Variants in FER1L5 observed in about 807,000 individuals in gnomAD.
FER1L5 encodes the protein fer-1-like protein 5.
Under a neutral mutation model 279.9 loss-of-function variants are expected in FER1L5, and 187 were observed. That is an observed-to-expected ratio of 0.67 (90% CI 0.59 to 0.75). FER1L5 has a LOEUF of 0.75. Ranked by LOEUF, FER1L5 falls within the 30% of genes least tolerant of loss-of-function variation. The probability of loss-of-function intolerance (pLI) is 0.00; values close to 1 mark genes in which losing one functional copy is unlikely to be tolerated. For synonymous variants in FER1L5, 921 were observed against 989.7 expected (o/e 0.93, Z 1.30); for missense variants, 2,091 against 2,594.4 (o/e 0.81, Z 4.21).
chr2:96,654,311 T>C, intron 8 of FER1L5, 135 bp from the exon 9 acceptor site: 1 of 393,022 alleles, frequency 2.5e-6, no homozygotes. Flanking sequence ...AACACCCATG[T>C]GCAAGTGTCT....
At position 96,688,205 on chromosome 2, in the gene FER1L5, G is replaced by T. The variant is rs528885186; in HGVS notation, c.2361+258G>T. ...GGTCTCTTGTTGATGCTCCATACAC[G>T]TGTGGAGACAAAGGGGGCGACTAAG... On this transcript the variant is annotated intron_variant, in intron 24 of 52. Transcript: ENST00000624922. Among the ~76,000 whole-genome samples, 6 of 152,292 alleles carry T rather than the reference G, an allele frequency of 3.9e-5. No homozygotes were observed. In the South Asian group the frequency reaches 1.2e-3, roughly 32 times the overall value.
intron 23 of FER1L5, 77 bp downstream of exon 23, chr2:96,686,427 G>A (rs2076928374): frequency 6.9e-7 from 1 of 1,457,826 alleles, no homozygotes; most frequent in Non-Finnish European, 9.2e-7. Context: ...TCGCAGGGCA[G>A]CCCCTATGGG....
Position 96,702,628 on chromosome 2 carries a change from C to T in FER1L5, c.5284C>T (p.Gln1762Ter). 6.3e-7 allele frequency: 1 copy of T among 1,590,352 alleles called. No homozygotes were observed. The highest frequency in any genetic ancestry group is 8.6e-7 in the Non-Finnish European group (1 of 1,168,656). ...GTTATACGGGCTGGAGAAGGACATG[C>T]AGAAGACAGACATCCACTACCACTC... ...GWLYGLEKDM[Q>*]KTDIHYHSLT... Residue 1762 changes from glutamine to a stop codon, truncating the protein, a stop_gained, in exon 48 of 53, where the codon CAG becomes TAG. Coordinates refer to ENST00000624922, the MANE Select transcript of FER1L5 (RefSeq NM_001293083.2). LOFTEE classifies it high-confidence loss of function. This position sits in a 1 kb window ranked among gnomAD's most constrained non-coding sequence, Gnocchi z 4.0.
rs2077296029 is a variant in FER1L5, at chr2:96,694,711, G to A, written c.3741+247G>A. The A allele has an allele frequency of 2.6e-6, 1 of 379,986 alleles. No individual in the cohort carries two copies. The highest frequency in any genetic ancestry group is 4.7e-6 in the Non-Finnish European group (1 of 213,952). 23.5% of individuals were successfully genotyped at this position (379,986 alleles called of 1,614,324 possible). A position where few individuals can be genotyped will look rare whatever the true frequency, so the allele number is the denominator to read the frequency against. ...GCTGTAGCATGCATGATCACTTGTG[G>A]GACTCACGCTGCCCCTGCGCAGTAG... On this transcript the variant is annotated intron_variant, in intron 34 of 52. Coordinates refer to ENST00000624922, the MANE Select transcript of FER1L5 (RefSeq NM_001293083.2). This position sits in a 1 kb window ranked among gnomAD's most constrained non-coding sequence, Gnocchi z 4.6.
Position 96,704,451 on chromosome 2 carries a change from T to C in FER1L5, c.5950-17T>C, listed in dbSNP as rs776354984. ...TCAGCTTGCCACCCCAGGCTAACTGTTGTCTGTTCTCTCTAGCACTATTTG... is the reference window on the plus strand; with the variant it reads ...TCAGCTTGCCACCCCAGGCTAACTGCTGTCTGTTCTCTCTAGCACTATTTG... On this transcript the variant is annotated splice_polypyrimidine_tract_variant and intron_variant, in intron 52 of 52. Transcript: ENST00000624922. The C allele has an allele frequency of 8.1e-6, 13 of 1,613,608 alleles. No individual in the cohort carries two copies. The highest frequency in any genetic ancestry group is 1.1e-5 in the Non-Finnish European group (13 of 1,179,540).
intron 13 of FER1L5, among the ~76,000 whole-genome samples, 189 bp from the exon 14 acceptor site, chr2:96,663,250 G>A (rs552153965): frequency 2.7e-4 from 41 of 152,306 alleles, no homozygotes; most frequent in African/African-American, 8.4e-4. Context: ...CAAACACCTC[G>A]GGTAAGTACA....
At chr2:96,671,119 A>AAAAAAAAAAAC (rs1558874606) in intron 18 of FER1L5, among the ~76,000 whole-genome samples, 12 of 150,090 alleles carry the variant, frequency 8.0e-5, no homozygotes, top group Admixed American at 7.3e-4. Context: ...AAAAAAAAAA[A>AAAAAAAAAAAC]AAAAAAAAAG....
intron 24 of FER1L5, 82 bp downstream of exon 24, chr2:96,688,029 C>G: frequency 2.0e-6 from 3 of 1,516,234 alleles, no homozygotes; most frequent in Non-Finnish European, 2.7e-6. Flanking sequence ...GAGATGGCCT[C>G]CCTGCAGGGG....
At chr2:96,664,551 T>G (rs954642918) in intron 14 of FER1L5, among the ~76,000 whole-genome samples, 1 of 152,258 alleles carries the variant, frequency 6.6e-6, no homozygotes, top group African/African-American at 2.4e-5. Context: ...CTAAGTAATA[T>G]TCCATTGTAT....
chr2:96,662,882 T>C (rs1335361783), intron 13 of FER1L5, among the ~76,000 whole-genome samples: 2 of 152,168 alleles, frequency 1.3e-5, no homozygotes, highest in Admixed American at 6.5e-5. Flanking sequence ...TCCCAGTGAG[T>C]GGTTGGGTAC....
chr2:96,681,627 C>T (rs182915376), intron 19 of FER1L5, among the ~76,000 whole-genome samples: 9 of 151,908 alleles, frequency 5.9e-5, no homozygotes, highest in African/African-American at 2.2e-4. Context: ...TTCTTTTGCT[C>T]ACTGTTCTAT....
At position 96,699,122 on chromosome 2, in the gene FER1L5, T is replaced by C; in HGVS notation, c.4596T>C (p.Asp1532=). 1 of 1,609,546 alleles carries C rather than the reference T, an allele frequency of 6.2e-7. No individual in the cohort carries two copies. The highest frequency in any genetic ancestry group is 8.5e-7 in the Non-Finnish European group (1 of 1,178,010). Residue 1532 remains aspartate (D), a synonymous_variant, in exon 42 of 53, where the codon GAT becomes GAC. Coordinates refer to ENST00000624922, the MANE Select transcript of FER1L5 (RefSeq NM_001293083.2). ...ACATGTACCAGCCCAACACTCTGGATCCCATCTTTGGCATGTGAGCTGCCC... is the reference window on the plus strand; with the variant it reads ...ACATGTACCAGCCCAACACTCTGGACCCCATCTTTGGCATGTGAGCTGCCC... ...NRDMYQPNTL[D]PIFGMMFELT... is the part of the protein sequence containing the mutation.
At chr2:96,669,210 C>T (rs902625222) in intron 17 of FER1L5, 73 bp downstream of exon 17, 20 of 1,418,320 alleles carry the variant, frequency 1.4e-5, no homozygotes, top group African/African-American at 8.6e-5. Context: ...GGGCCTGGGA[C>T]GTGCCCCGAG....
chr2:96,647,578 G>T (rs568608459), intron 3 of FER1L5, among the ~76,000 whole-genome samples, 200 bp from the exon 4 acceptor site: 1 of 152,224 alleles, frequency 6.6e-6, no homozygotes, highest in Admixed American at 6.5e-5. Context: ...TACTTGCCTC[G>T]GAGCCCCAAG....
chr2:96,699,179 C>A, intron 42 of FER1L5, 43 bp downstream of exon 42: 1 of 1,558,192 alleles, frequency 6.4e-7, no homozygotes. Flanking sequence ...CACTCCTATC[C>A]ACACCACACT....
At chr2:96,667,972 C>A (rs1056955155) in intron 14 of FER1L5, among the ~76,000 whole-genome samples, 1 of 152,016 alleles carries the variant, frequency 6.6e-6, no homozygotes, top group African/African-American at 2.4e-5. Context: ...GCAATCCTCC[C>A]ACCTCAGCCT....
At chr2:96,655,637 C>G (rs774128942) in intron 9 of FER1L5, among the ~76,000 whole-genome samples, 29 of 152,162 alleles carry the variant, frequency 1.9e-4, no homozygotes, top group Non-Finnish European at 4.1e-4. Context: ...ACAAAGGCCA[C>G]CGCATGATTT....
chr2:96,700,416 C>T lies in FER1L5; in HGVS notation c.5015C>T (p.Pro1672Leu). Residue 1672 changes from proline to leucine, a missense_variant, in exon 45 of 53, where the codon CCT becomes CTT. Coordinates refer to ENST00000624922, the MANE Select transcript of FER1L5 (RefSeq NM_001293083.2). ...LYLLHTQGLV[P>L]EHVETRTLYS... is the part of the protein sequence containing the mutation. Reference sequence around the variant, plus strand: ...CTCCTGCACACCCAGGGGCTGGTACCTGAGCACGTGGAGACCCGCACACTG... The same window carrying T: ...CTCCTGCACACCCAGGGGCTGGTACTTGAGCACGTGGAGACCCGCACACTG... 6.2e-7 allele frequency: 1 copy of T among 1,613,820 alleles called. No individual in the cohort carries two copies. Among genetic ancestry groups the T allele is most frequent in the Non-Finnish European group, 8.5e-7 (1 of 1,179,892 alleles).
At chr2:96,704,118 G>C in intron 51 of FER1L5, 97 bp from the exon 52 acceptor site, 2 of 1,440,578 alleles carry the variant, frequency 1.4e-6, no homozygotes, top group South Asian at 1.3e-5. Flanking sequence ...GCCTGGCCCA[G>C]TAGTTGCTTT....
Sources: allele counts gnomAD v4.1 joint callset (sites outside exome capture counted in the v4.1 genomes callset), GRCh38; gene constraint gnomAD v4.1.1; non-coding constraint Gnocchi (gnomAD v3.1); transcripts MANE v1.5; gene names NCBI Gene and HGNC (gene_info 2026-07-23, HGNC 2026-07-21).